Variants in EFCAB6 observed in about 807,000 individuals in gnomAD.
EFCAB6 encodes EF-hand calcium-binding domain-containing protein 6.
In EFCAB6, 156 loss-of-function variants were observed where a neutral mutation model predicts 169.8. That is an observed-to-expected ratio of 0.92 (90% CI 0.81 to 1.05). EFCAB6 has a LOEUF of 1.05. Among genes scored for constraint, EFCAB6 ranks in the 50% least tolerant of loss-of-function variants. The pLI is 0.00. For synonymous variants in EFCAB6, 698 were observed against 676.4 expected (o/e 1.03, Z -0.50); for missense variants, 1,800 against 1,829.1 (o/e 0.98, Z 0.29).
chr22:43,683,796 G>A lies in EFCAB6; in HGVS notation c.1202C>T (p.Thr401Ile), dbSNP rs1257476478. The A allele has an allele frequency of 1.9e-6, 3 of 1,613,672 alleles. No individual in the cohort carries two copies. Among genetic ancestry groups the A allele is most frequent in the Admixed American group, 1.7e-5 (1 of 60,004 alleles). ...ENIITKLFRH[T>I]EDHSASLKKA... is the part of the protein sequence containing the mutation. ...CTTCAGTGACGCAGAGTGATCTTCA[G>A]TGTGTCTAAATAACTTTGTGATGAT... The change falls in exon 12 of 32, where the codon ACT (threonine) becomes ATT (isoleucine). Residue 401 changes from threonine to isoleucine, a missense_variant. Physicochemically the swap from Thr to Ile is moderately conservative, Grantham distance 89. Coordinates refer to ENST00000262726, the MANE Select transcript of EFCAB6 (RefSeq NM_022785.4).
At chr22:43,810,199 T>C (rs775761744) in intron 1 of EFCAB6, among the ~76,000 whole-genome samples, 21 of 152,164 alleles carry the variant, frequency 1.4e-4, no homozygotes, top group Non-Finnish European at 2.6e-4. Context: ...CATAGCCAAC[T>C]TGTGAGGACT....
At chr22:43,688,334 T>G (rs1277256864) in intron 10 of EFCAB6, among the ~76,000 whole-genome samples, 2 of 152,164 alleles carry the variant, frequency 1.3e-5, no homozygotes, top group South Asian at 2.1e-4. Flanking sequence ...AGATAATACA[T>G]GTGTTGTTAT....
chr22:43,712,685 G>T (rs529162012), intron 9 of EFCAB6, among the ~76,000 whole-genome samples: 1 of 152,220 alleles, frequency 6.6e-6, no homozygotes, highest in Non-Finnish European at 1.5e-5. Context: ...AAGACTTGGA[G>T]AGAGAAGCAA....
At chr22:43,753,774 C>T (rs944435708) in intron 6 of EFCAB6, among the ~76,000 whole-genome samples, 1 of 152,190 alleles carries the variant, frequency 6.6e-6, no homozygotes, top group African/African-American at 2.4e-5. Flanking sequence ...TAATTATTTG[C>T]TGGTGTAGGA....
At chr22:43,735,753 G>A (rs2060112525) in intron 7 of EFCAB6, 104 bp downstream of exon 7, 1 of 1,322,076 alleles carries the variant, frequency 7.6e-7, no homozygotes. Context: ...TGTGTGGCAG[G>A]GGGAGGTGAG....
At chr22:43,664,355 C>T (rs2057144834) in intron 17 of EFCAB6, among the ~76,000 whole-genome samples, 1 of 152,186 alleles carries the variant, frequency 6.6e-6, no homozygotes, top group Non-Finnish European at 1.5e-5. Flanking sequence ...GTGCAAAGCA[C>T]TTGGGGAGCA....
intron 2 of EFCAB6, among the ~76,000 whole-genome samples, chr22:43,789,533 G>A (rs2062198827): frequency 6.6e-6 from 1 of 152,324 alleles, no homozygotes; most frequent in African/African-American, 2.4e-5. Context: ...AGTCACAGCG[G>A]TGTCCTGCTT....
intron 9 of EFCAB6, among the ~76,000 whole-genome samples, chr22:43,716,388 C>T (rs2059333503): frequency 1.3e-5 from 2 of 151,994 alleles, no homozygotes. Flanking sequence ...GCACCAATGC[C>T]ATATTGTCTT....
intron 24 of EFCAB6, among the ~76,000 whole-genome samples, chr22:43,587,519 G>A (rs1011874134): frequency 2.0e-5 from 3 of 152,180 alleles, no homozygotes; most frequent in Admixed American, 2.0e-4. Context: ...TCTGGGAGCA[G>A]TTGGCAGTCC....
chr22:43,749,415 C>G (rs761918855), intron 6 of EFCAB6, among the ~76,000 whole-genome samples: 2 of 152,040 alleles, frequency 1.3e-5, no homozygotes, highest in Non-Finnish European at 2.9e-5. Context: ...TTCTGGGTAC[C>G]GGGGACCAGT....
chr22:43,552,367 A>G (rs1009583508), intron 27 of EFCAB6: 1 of 152,152 alleles, frequency 6.6e-6, no homozygotes, highest in African/African-American at 2.4e-5. Context: ...GGTCTTTGAG[A>G]AATCACCACA....
At chr22:43,731,376 A>G (rs2059941294) in intron 8 of EFCAB6, among the ~76,000 whole-genome samples, 1 of 152,108 alleles carries the variant, frequency 6.6e-6, no homozygotes, top group South Asian at 2.1e-4. Context: ...GGGGCATCTC[A>G]CTTAAGGACA....
At chr22:43,784,700 C>T (rs536559004) in intron 2 of EFCAB6, among the ~76,000 whole-genome samples, 4,823 of 137,542 alleles carry the variant, frequency 0.035, 240 homozygotes, top group Non-Finnish European at 0.044. Context: ...CACACACACA[C>T]ACACACACAC....
chr22:43,537,366 T>C lies in EFCAB6; in HGVS notation c.4048+11A>G, dbSNP rs1054647176. 4 of 1,613,596 alleles carry C rather than the reference T, an allele frequency of 2.5e-6. No homozygotes were observed. The African/African-American group carries it at 5.3e-5, about 22-fold the overall frequency. On this transcript the variant is annotated intron_variant, in intron 29 of 31. Coordinates refer to ENST00000262726, the MANE Select transcript of EFCAB6 (RefSeq NM_022785.4). The surrounding 1 kb of genome is among the most constrained non-coding windows in gnomAD (Gnocchi z 4.3). ...ACCACATATTACCAAGCAGATAGAA[T>C]CTGAACGAACCCAGGAAATCGGAGG...
intron 2 of EFCAB6, among the ~76,000 whole-genome samples, chr22:43,784,642 C>CACATATATATGTGTATGTAT (rs1603370536): frequency 3.3e-5 from 2 of 59,998 alleles, no homozygotes; most frequent in South Asian, 7.0e-4. Context: ...TGTATATGTA[C>CACATATATATGTGTATGTAT]ACATATATAT....
chr22:43,810,318 A>T (rs993326813), intron 1 of EFCAB6, among the ~76,000 whole-genome samples: 1 of 152,242 alleles, frequency 6.6e-6, no homozygotes, highest in Non-Finnish European at 1.5e-5. Flanking sequence ...TAGAAGTAGT[A>T]AAACTGTGGA....
In EFCAB6 at chr22:43,632,296, T is replaced by TTTTC. The variant is rs1555982058; in HGVS notation, c.2099-59_2099-58insGAAA. 81 of 578,136 alleles carry TTTTC rather than the reference T, an allele frequency of 1.4e-4. No homozygotes were observed. The East Asian group carries it at 6.1e-3, about 44-fold the overall frequency. The allele number at this position is 578,136 out of a possible 1,614,324, so 35.8% of individuals were successfully genotyped here. ...AGTGCCCATCAGCTTCATTCCTTCT[T>TTTTC]TTTTTTTTTTTTTTTTTTTTGAGAC... On this transcript the variant is annotated intron_variant, in intron 18 of 31. Transcript: ENST00000262726.
chr22:43,543,441 C>CG (rs2047864975), intron 27 of EFCAB6, among the ~76,000 whole-genome samples: 2 of 152,284 alleles, frequency 1.3e-5, no homozygotes, highest in East Asian at 3.9e-4. Flanking sequence ...CCAGACCCCC[C>CG]GATAGGATGC....
At chr22:43,675,128 G>A (rs1326796044) in intron 13 of EFCAB6, among the ~76,000 whole-genome samples, 2 of 148,430 alleles carry the variant, frequency 1.3e-5, no homozygotes, top group Non-Finnish European at 3.0e-5. Context: ...AATGCATAAA[G>A]GAATTTTATA....
Sources: gnomAD v4.1 joint callset for allele counts (sites outside exome capture counted in the v4.1 genomes callset) on GRCh38, gnomAD v4.1.1 for gene constraint, Gnocchi (gnomAD v3.1) non-coding constraint, MANE v1.5 for transcripts, NCBI Gene and HGNC (gene_info 2026-07-23, HGNC 2026-07-21) for gene names.